The following EBF1 variants were observed in gnomAD, a reference collection of about 807,000 sequenced individuals.
EBF1 encodes EBF transcription factor 1.
EBF1 carries 10 observed loss-of-function variants against 68.4 expected under a neutral mutation model. The ratio of observed to expected loss-of-function variants is 0.15; its 90% confidence interval spans 0.09 to 0.25. EBF1 has a LOEUF of 0.25. Ranked by LOEUF, EBF1 falls within the 10% of genes least tolerant of loss-of-function variation. EBF1 has a pLI of 1.00. For synonymous variants in EBF1, 298 were observed against 299.8 expected, an observed-to-expected ratio of 0.99 and a Z score of 0.06; for missense variants, 509 against 794.4, an observed-to-expected ratio of 0.64 and a Z score of 4.32.
At chr5:159,087,192 A>G (rs1780790796) in intron 4 of EBF1, among the ~76,000 whole-genome samples, 1 of 151,108 alleles carries the variant, frequency 6.6e-6, no homozygotes, top group South Asian at 2.1e-4. Context: ...TATATTTGTC[A>G]TGCTAAGCTA....
chr5:159,004,098 G>A (rs1293274945), intron 6 of EBF1, among the ~76,000 whole-genome samples: 1 of 152,120 alleles, frequency 6.6e-6, no homozygotes, highest in Non-Finnish European at 1.5e-5. Context: ...GCAACATGGT[G>A]AAACCCCGTC....
chr5:158,881,245 G>A (rs906952603), intron 6 of EBF1, among the ~76,000 whole-genome samples: 1 of 152,196 alleles, frequency 6.6e-6, no homozygotes, highest in Non-Finnish European at 1.5e-5. Context: ...TTCTTTGAAT[G>A]AATAAAAGCT....
At chr5:158,911,197 C>T (rs1431407154) in intron 6 of EBF1, among the ~76,000 whole-genome samples, 1 of 152,156 alleles carries the variant, frequency 6.6e-6, no homozygotes, top group Non-Finnish European at 1.5e-5. Flanking sequence ...TTCATGAAAT[C>T]GCTGAATACT....
At chr5:158,775,638 G>C (rs1331952996) in intron 10 of EBF1, among the ~76,000 whole-genome samples, 1 of 151,938 alleles carries the variant, frequency 6.6e-6, no homozygotes, top group Non-Finnish European at 1.5e-5. Flanking sequence ...AGTTCAGTGG[G>C]GGAACATTGT....
Position 159,096,963 on chromosome 5 carries a change from C to A in EBF1, c.291+11G>T, listed in dbSNP as rs761770772. On this transcript the variant is annotated intron_variant, in intron 2 of 15. Coordinates refer to ENST00000313708, the MANE Select transcript of EBF1 (RefSeq NM_024007.5). ...CCGGGGACGAGGGGCGACAGCGCTG[C>A]GCCCACTTACTTTTTCCTTCTCCAC... 2 of 1,612,958 alleles carry A rather than the reference C, an allele frequency of 1.2e-6. No individual in the cohort carries two copies. Among genetic ancestry groups the A allele is most frequent in the Non-Finnish European group, 1.7e-6 (2 of 1,179,796 alleles).
At chr5:158,808,477 C>A (rs542877483) in intron 8 of EBF1, among the ~76,000 whole-genome samples, 3 of 152,268 alleles carry the variant, frequency 2.0e-5, no homozygotes, top group Non-Finnish European at 4.4e-5. Flanking sequence ...CATTTTCAGC[C>A]TCAGCAGCAG....
intron 6 of EBF1, among the ~76,000 whole-genome samples, chr5:159,042,337 A>G (rs1771371708): frequency 6.6e-6 from 1 of 152,204 alleles, no homozygotes. Context: ...CTCCAAAAAA[A>G]GCAAAATAAA....
At chr5:158,780,185 T>A (rs1561905826) in intron 9 of EBF1, among the ~76,000 whole-genome samples, 1 of 152,202 alleles carries the variant, frequency 6.6e-6, no homozygotes, top group Admixed American at 6.5e-5. Context: ...CTAGTGATAG[T>A]TTAAAGCTAA....
chr5:158,934,561 C>A (rs1218989900), intron 6 of EBF1, among the ~76,000 whole-genome samples: 1 of 152,232 alleles, frequency 6.6e-6, no homozygotes, highest in East Asian at 1.9e-4. Flanking sequence ...CAAAATTCAA[C>A]TCTCAGACAG....
intron 6 of EBF1, among the ~76,000 whole-genome samples, chr5:158,927,960 CAGG>C (rs1276007185): frequency 1.3e-5 from 2 of 152,212 alleles, no homozygotes; most frequent in Non-Finnish European, 2.9e-5. Flanking sequence ...GCTTCACACC[CAGG>C]CAGCCTGCCT....
At chr5:158,800,049 T>A (rs1482842053) in intron 8 of EBF1, among the ~76,000 whole-genome samples, 1 of 152,152 alleles carries the variant, frequency 6.6e-6, no homozygotes, top group Non-Finnish European at 1.5e-5. Flanking sequence ...ACCCAAATGT[T>A]CATTGCGGTA....
At chr5:158,753,509 C>G (rs1227316304) in intron 10 of EBF1, among the ~76,000 whole-genome samples, 1 of 152,058 alleles carries the variant, frequency 6.6e-6, no homozygotes, top group Non-Finnish European at 1.5e-5. Flanking sequence ...TCTGCTACAA[C>G]TAGCATAACT....
chr5:158,954,946 G>A (rs1816763788), intron 6 of EBF1, among the ~76,000 whole-genome samples: 1 of 152,150 alleles, frequency 6.6e-6, no homozygotes, highest in Admixed American at 6.5e-5. Flanking sequence ...AATGTAAAAA[G>A]AAGAAATAAT....
chr5:158,714,111 G>A lies in EBF1; in HGVS notation c.1191+6C>T, dbSNP rs757090060. ...TCCACACAGGCTAGACACCCACAGC[G>A]CTCACCTGGTTGTTGTGTGGCATCC... On this transcript the variant is annotated splice_donor_region_variant and intron_variant, in intron 12 of 15. Transcript: ENST00000313708. The A allele has an allele frequency of 2.4e-5, 38 of 1,614,014 alleles. No homozygotes were observed. The highest frequency in any genetic ancestry group is 5.0e-5 in the Admixed American group (3 of 60,012).
intron 11 of EBF1, among the ~76,000 whole-genome samples, chr5:158,722,568 G>A (rs188278846): frequency 2.0e-4 from 30 of 152,266 alleles, no homozygotes; most frequent in Non-Finnish European, 3.5e-4. Context: ...TGAGTGACAC[G>A]TTCCCATACT....
chr5:159,077,718 T>G (rs1779025254), intron 5 of EBF1, among the ~76,000 whole-genome samples: 1 of 151,766 alleles, frequency 6.6e-6, no homozygotes, highest in Admixed American at 6.6e-5. Flanking sequence ...GACGTGCATT[T>G]TATTTTTATA....
intron 6 of EBF1, among the ~76,000 whole-genome samples, chr5:159,029,508 G>A (rs1287569345): frequency 6.6e-6 from 1 of 152,184 alleles, no homozygotes; most frequent in Non-Finnish European, 1.5e-5. Context: ...TATGAAAGGG[G>A]AAGAATGCGT....
At chr5:158,782,050 G>T (rs1194761937) in intron 9 of EBF1, among the ~76,000 whole-genome samples, 1 of 152,092 alleles carries the variant, frequency 6.6e-6, no homozygotes, top group Non-Finnish European at 1.5e-5. Flanking sequence ...AGGGCATGTG[G>T]ATACACGAAA....
At chr5:158,749,549 G>A (rs899006742) in intron 10 of EBF1, among the ~76,000 whole-genome samples, 9 of 152,098 alleles carry the variant, frequency 5.9e-5, no homozygotes, top group Non-Finnish European at 1.0e-4. Flanking sequence ...GATCAACCAC[G>A]CTACAGTGAA....
Sources: allele counts gnomAD v4.1 joint callset (sites outside exome capture counted in the v4.1 genomes callset), GRCh38; gene constraint gnomAD v4.1.1; transcripts MANE v1.5; gene names NCBI Gene and HGNC (gene_info 2026-07-23, HGNC 2026-07-21).